BRWD1: variants seen among roughly 807,000 people sequenced by gnomAD.
The protein encoded by BRWD1 is bromodomain and WD repeat domain containing 1, also known as bromodomain and WD repeat-containing protein 1.
In BRWD1, 82 loss-of-function variants were observed where a neutral mutation model predicts 251.2. That is an observed-to-expected ratio of 0.33 (90% CI 0.27 to 0.39). BRWD1 has a LOEUF of 0.39. Among genes scored for constraint, BRWD1 ranks in the 10% least tolerant of loss-of-function variants. The pLI is 1.00. For missense variants in BRWD1, 2,233 were observed against 2,711.6 expected (o/e 0.82, Z 3.92); for synonymous variants, 918 against 902.8 (o/e 1.02, Z -0.30).
rs1372354515 is a variant in BRWD1, at chr21:39,192,096, A to G, written c.*4163T>C. 3.0e-6 allele frequency: 3 copies of G among 985,092 alleles called. No homozygotes were observed. The East Asian group carries it at 3.4e-4, about 112-fold the overall frequency. The allele number at this position is 985,092 out of a possible 1,614,324, so 61.0% of individuals were successfully genotyped here. ...CCAATTTAAAGATATTTTTCTACCA[A>G]TTTAACAATATATTAGGAACCAGCT... is the stretch of plus-strand genomic sequence containing the variant. On this transcript the variant is annotated 3_prime_UTR_variant, in exon 41 of 41. Transcript: ENST00000342449.
At chr21:39,204,488 A>G (rs900224872) in intron 37 of BRWD1, among the ~76,000 whole-genome samples, 1 of 152,230 alleles carries the variant, frequency 6.6e-6, no homozygotes, top group Non-Finnish European at 1.5e-5. Flanking sequence ...TTAATATACA[A>G]TTACTGAGAA....
At position 39,225,347 on chromosome 21, in the gene BRWD1, A is replaced by C. The variant is rs1601322783; in HGVS notation, c.3209-150T>G. On this transcript the variant is annotated intron_variant, in intron 27 of 40. Transcript: ENST00000342449. ...AGCGCTCCTAAACAAACCAAGAAAA[A>C]TATGGCATAAAAAATTTAACTTTTA... The C allele has an allele frequency of 1.9e-5, 11 of 577,866 alleles. No homozygotes were observed. The East Asian group carries it at 3.2e-4, about 17-fold the overall frequency. The allele number at this position is 577,866 out of a possible 1,614,324, so 35.8% of individuals were successfully genotyped here.
At position 39,199,647 on chromosome 21, in the gene BRWD1, G is replaced by A. The variant is rs761592768; in HGVS notation, c.4769C>T (p.Ala1590Val). ...AQRKTGPVSL[A>V]NGCGRKATRK... ...AGTGGCTTTTCTGCCACATCCATTT[G>A]CTAATGAAACGGGACCTAGAAATAA... The change falls in exon 40 of 41, where the codon GCA becomes GTA. Residue 1590 changes from alanine to valine, a missense_variant. By Grantham distance (64) the Ala-to-Val change is moderately conservative (BLOSUM62 0). Coordinates refer to ENST00000342449, the MANE Select transcript of BRWD1 (RefSeq NM_033656.4). The A allele has an allele frequency of 1.2e-6, 2 of 1,604,540 alleles. No individual in the cohort carries two copies. The highest frequency in any genetic ancestry group is 2.2e-5 in the East Asian group (1 of 44,828).
rs1471333332 is a variant in BRWD1, at chr21:39,188,215, C to A, written c.*8044G>T. 6 of 985,240 alleles carry A rather than the reference C, an allele frequency of 6.1e-6. No individual in the cohort carries two copies. Among genetic ancestry groups the A allele is most frequent in the Non-Finnish European group, 7.2e-6 (6 of 829,914 alleles). 61.0% of individuals were successfully genotyped at this position (985,240 alleles called of 1,614,324 possible). On this transcript the variant is annotated 3_prime_UTR_variant, in exon 41 of 41. Coordinates refer to ENST00000342449, the MANE Select transcript of BRWD1 (RefSeq NM_033656.4). ...TTTTACGTATCTGAAGTTCACGGGC[C>A]CTTGAATTTTAGGTCTTTCTTGCAG...
At chr21:39,240,822 T>C (rs1436949282) in intron 21 of BRWD1, among the ~76,000 whole-genome samples, 1 of 152,214 alleles carries the variant, frequency 6.6e-6, no homozygotes, top group Non-Finnish European at 1.5e-5. Flanking sequence ...AAATACAATT[T>C]GGTTAACGAC....
chr21:39,282,049 T>C (rs773742217), intron 8 of BRWD1, among the ~76,000 whole-genome samples: 3 of 151,760 alleles, frequency 2.0e-5, no homozygotes, highest in Non-Finnish European at 2.9e-5. Context: ...TATGTACATA[T>C]GTATATATAC....
intron 29 of BRWD1, among the ~76,000 whole-genome samples, chr21:39,223,219 A>C (rs2033249372): frequency 6.6e-6 from 1 of 152,220 alleles, no homozygotes; most frequent in African/African-American, 2.4e-5. Flanking sequence ...TAGCTGTATA[A>C]GAAGGGAAAT....
rs2031362187 is a variant in BRWD1 at position 39,188,368 on chromosome 21, T to C, written c.*7891A>G. On this transcript the variant is annotated 3_prime_UTR_variant, in exon 41 of 41. Transcript: ENST00000342449. ...TTCAAAAGGTAAGGCTGTAGATCAC[T>C]GAAATAACCAGTTGATATCCTCCAC... 6 of 985,260 alleles carry C rather than the reference T, an allele frequency of 6.1e-6. No individual in the cohort carries two copies. Among genetic ancestry groups the C allele is most frequent in the Non-Finnish European group, 7.2e-6 (6 of 829,924 alleles). The allele number at this position is 985,260 out of a possible 1,614,324, so 61.0% of individuals were successfully genotyped here.
At chr21:39,295,165 G>A (rs186054780) in intron 7 of BRWD1, among the ~76,000 whole-genome samples, 3 of 136,194 alleles carry the variant, frequency 2.2e-5, no homozygotes, top group Admixed American at 7.9e-5. Flanking sequence ...AAAGTGTTAG[G>A]TATGTCTATG....
At chr21:39,208,426 G>A (rs927958847) in intron 36 of BRWD1, among the ~76,000 whole-genome samples, 2 of 152,178 alleles carry the variant, frequency 1.3e-5, no homozygotes, top group African/African-American at 4.8e-5. Context: ...TAATGCAGGA[G>A]GAGTCTAATA....
chr21:39,224,015 A>G (rs1449773088), intron 29 of BRWD1, among the ~76,000 whole-genome samples: 5 of 152,036 alleles, frequency 3.3e-5, no homozygotes, highest in Non-Finnish European at 4.4e-5. Flanking sequence ...TGCCCGCCTA[A>G]TTTTTTGTAT....
At chr21:39,203,435 G>A (rs2065310) in intron 37 of BRWD1, among the ~76,000 whole-genome samples, 1 of 139,402 alleles carries the variant, frequency 7.2e-6, no homozygotes, top group African/African-American at 2.7e-5. Context: ...CAAGACCCTG[G>A]TTCTTTTTTT....
chr21:39,285,759 C>G (rs1170174574), intron 8 of BRWD1, among the ~76,000 whole-genome samples: 1 of 146,010 alleles, frequency 6.8e-6, no homozygotes, highest in East Asian at 2.1e-4. Flanking sequence ...CATCTCTACT[C>G]AAAAAACACA....
Position 39,194,440 on chromosome 21 carries a change from G to C in BRWD1, c.*1819C>G. Reference sequence around the variant, plus strand: ...ATTAGTCTTTTCAGTCTTAGTCAAGGACAATTATCATGAATCAATCTGTTT... The same window carrying C: ...ATTAGTCTTTTCAGTCTTAGTCAAGCACAATTATCATGAATCAATCTGTTT... On this transcript the variant is annotated 3_prime_UTR_variant, in exon 41 of 41. Transcript: ENST00000342449. 1 of 1,293,946 alleles carries C rather than the reference G, an allele frequency of 7.7e-7. No homozygotes were observed. Among genetic ancestry groups the C allele is most frequent in the Non-Finnish European group, 9.8e-7 (1 of 1,021,426 alleles). 80.2% of individuals were successfully genotyped at this position (1,293,946 alleles called of 1,614,324 possible).
At chr21:39,317,234 C>G (rs1166878894), upstream of BRWD1, 1 of 152,218 alleles carries the variant, frequency 6.6e-6, no homozygotes, top group African/African-American at 2.4e-5. Context: ...ATTCCTCACA[C>G]AATTCAATCC....
intron 4 of BRWD1, among the ~76,000 whole-genome samples, chr21:39,309,560 C>T (rs919305933): frequency 6.6e-6 from 1 of 150,894 alleles, no homozygotes; most frequent in African/African-American, 2.4e-5. Context: ...CGCGGTGGCT[C>T]ACGCCTGTAA....
chr21:39,317,772 T>C (rs2036712974), upstream of BRWD1, among the ~76,000 whole-genome samples: 1 of 152,256 alleles, frequency 6.6e-6, no homozygotes, highest in Non-Finnish European at 1.5e-5. Flanking sequence ...GAAACTAGTC[T>C]GGGCGTAGTG....
chr21:39,237,754 A>G (rs1018929348), intron 22 of BRWD1, among the ~76,000 whole-genome samples: 5 of 152,192 alleles, frequency 3.3e-5, no homozygotes, highest in African/African-American at 1.2e-4. Flanking sequence ...AACTATGTCA[A>G]TGTACGTAAC....
rs1219889604 is a variant in BRWD1, at chr21:39,264,479, C to G, written c.1866G>C (p.Gln622His). 1 of 1,599,760 alleles carries G rather than the reference C, an allele frequency of 6.3e-7. No individual in the cohort carries two copies. The highest frequency in any genetic ancestry group is 8.5e-7 in the Non-Finnish European group (1 of 1,174,278). ...ENSADEHLIP[Q>H]LGYVATSDGE... ...ACTTACTTGTTGCCACATAGCCCAG[C>G]TGTGGAATCAAATGTTCATCTGCAG... Residue 622 changes from glutamine (Q) to histidine (H), a missense_variant, in exon 17 of 41, where the codon CAG (glutamine) becomes CAC (histidine). By Grantham distance (24) the Gln-to-His change is conservative (BLOSUM62 0). This residue lies in a region of BRWD1 where 315 missense variants were observed against 421.8 expected (regional missense o/e 0.75). Coordinates refer to ENST00000342449, the MANE Select transcript of BRWD1 (RefSeq NM_033656.4).
Sources: gnomAD v4.1 joint callset for allele counts (sites outside exome capture counted in the v4.1 genomes callset) on GRCh38, gnomAD v4.1.1 for gene constraint, gnomAD v4.1.1 regional missense constraint, MANE v1.5 for transcripts, NCBI Gene and HGNC (gene_info 2026-07-23, HGNC 2026-07-21) for gene names.